ZEB1: variants seen among roughly 807,000 people sequenced by gnomAD.
ZEB1 encodes the protein zinc finger E-box-binding homeobox 1.
Under a neutral mutation model 84.9 loss-of-function variants are expected in ZEB1, and 21 were observed. The ratio of observed to expected loss-of-function variants is 0.25; its 90% CI spans 0.18 to 0.36. ZEB1 has a LOEUF of 0.36. Ranked by LOEUF, ZEB1 falls within the 10% of genes least tolerant of loss-of-function variation. ZEB1 has a pLI of 1.00. For synonymous variants in ZEB1, 420 were observed against 471.1 expected, an observed-to-expected ratio of 0.89 and a Z score of 1.41; for missense variants, 1,104 against 1,330.2, an observed-to-expected ratio of 0.83 and a Z score of 2.65.
At chr10:31,422,681 T>C (rs773300007) in intron 1 of ZEB1, among the ~76,000 whole-genome samples, 2 of 152,134 alleles carry the variant, frequency 1.3e-5, no homozygotes, top group Non-Finnish European at 2.9e-5. Flanking sequence ...ATCTCAGCTT[T>C]CATTTTAGAG....
At chr10:31,388,034 T>C (rs1192484280) in intron 1 of ZEB1, among the ~76,000 whole-genome samples, 1 of 152,180 alleles carries the variant, frequency 6.6e-6, no homozygotes, top group Non-Finnish European at 1.5e-5. Context: ...TTAACTAATA[T>C]AATCTATAGA....
rs867046059 is a variant in ZEB1 at position 31,521,661 on chromosome 10, G to A, written c.2329G>A (p.Glu777Lys). The A allele has an allele frequency of 6.2e-7, 1 of 1,614,088 alleles. No homozygotes were observed. The highest frequency in any genetic ancestry group is 8.5e-7 in the Non-Finnish European group (1 of 1,179,976). ...EPLNLSCAKKEPQKDSCVTDS... is the reference protein window; with the variant it reads ...EPLNLSCAKKKPQKDSCVTDS... ...CTTGAACTTGTCTTGCGCAAAAAAG[G>A]AGCCACAAAAGGACAGTTGTGTTAC... The change falls in exon 7 of 9, where the codon GAG becomes AAG. Residue 777 changes from glutamate (E) to lysine (K), a missense_variant. Glu to Lys is a moderately conservative substitution (Grantham distance 56). This residue lies in a region of ZEB1 where 531 missense variants were observed against 575.2 expected (regional missense o/e 0.92). Coordinates refer to ENST00000424869, the MANE Select transcript of ZEB1 (RefSeq NM_001174096.2).
At chr10:31,338,918 A>G (rs1466446247) in intron 1 of ZEB1, among the ~76,000 whole-genome samples, 1 of 152,102 alleles carries the variant, frequency 6.6e-6, no homozygotes, top group Non-Finnish European at 1.5e-5. Flanking sequence ...GGAGAGTGAT[A>G]TTTGATTCAG....
chr10:31,514,650 G>T lies in ZEB1; in HGVS notation c.735G>T (p.Glu245Asp). The T allele has an allele frequency of 3.1e-6, 5 of 1,612,864 alleles. No homozygotes were observed. Among genetic ancestry groups the T allele is most frequent in the Non-Finnish European group, 4.2e-6 (5 of 1,179,154 alleles). The change falls in exon 6 of 9, where the codon GAG (glutamate) becomes GAT (aspartate). Residue 245 changes from glutamate (E) to aspartate (D), a missense_variant. Glu to Asp is a conservative substitution (Grantham distance 45, BLOSUM62 2). Coordinates refer to ENST00000424869, the MANE Select transcript of ZEB1 (RefSeq NM_001174096.2). ...SGCNRKFKCT[E>D]CGKAFKYKHH... ...GTAATCGTAAATTCAAATGCACTGA[G>T]TGTGGAAAAGCTTTCAAATACAAAC... is the stretch of plus-strand genomic sequence containing the variant.
intron 1 of ZEB1, among the ~76,000 whole-genome samples, chr10:31,434,953 G>A (rs767689691): frequency 5.9e-5 from 9 of 152,138 alleles, no homozygotes; most frequent in Non-Finnish European, 1.2e-4. Flanking sequence ...ATTTTAGTGG[G>A]GGAGTGTGGT....
At chr10:31,389,504 A>G (rs944857928) in intron 1 of ZEB1, 1 of 152,012 alleles carries the variant, frequency 6.6e-6, no homozygotes, top group African/African-American at 2.4e-5. Flanking sequence ...CCTACTATAA[A>G]TTTTGTTTCC....
chr10:31,395,345 T>C (rs2050518995), intron 1 of ZEB1, among the ~76,000 whole-genome samples: 2 of 152,164 alleles, frequency 1.3e-5, no homozygotes, highest in Admixed American at 1.3e-4. Context: ...ATATACTTCA[T>C]CTAAACTAGT....
intron 1 of ZEB1, among the ~76,000 whole-genome samples, chr10:31,397,120 A>G (rs867280490): frequency 1.4e-5 from 2 of 148,056 alleles, no homozygotes; most frequent in African/African-American, 4.9e-5. Context: ...GGTTCAAGCA[A>G]TTCTGCCTCA....
intron 1 of ZEB1, among the ~76,000 whole-genome samples, chr10:31,341,679 G>A (rs1033971732): frequency 5.9e-5 from 9 of 151,920 alleles, no homozygotes; most frequent in Non-Finnish European, 8.8e-5. Context: ...TGTGTGGGCT[G>A]AAGAGAAAAA....
At chr10:31,440,762 A>G (rs1212587112) in intron 1 of ZEB1, among the ~76,000 whole-genome samples, 4 of 152,208 alleles carry the variant, frequency 2.6e-5, no homozygotes, top group African/African-American at 9.6e-5. Flanking sequence ...TACACCAATA[A>G]CAGACAAACA....
chr10:31,428,079 T>C (rs751447087), intron 1 of ZEB1, among the ~76,000 whole-genome samples: 2 of 152,206 alleles, frequency 1.3e-5, no homozygotes, highest in Non-Finnish European at 2.9e-5. Flanking sequence ...AGTTCAGCTC[T>C]GATTTTGGTT....
chr10:31,338,599 AATTAT>A (rs957159324), intron 1 of ZEB1, among the ~76,000 whole-genome samples: 1 of 152,188 alleles, frequency 6.6e-6, no homozygotes, highest in Admixed American at 6.5e-5. Flanking sequence ...ATGATGAAAT[AATTAT>A]ATTATTCCCT....
rs1432929160 is a variant in ZEB1 at position 31,529,749 on chromosome 10, A to G, written c.*2485A>G. 1 of 152,228 alleles carries G rather than the reference A, an allele frequency of 6.6e-6. No individual in the cohort carries two copies. The highest frequency in any genetic ancestry group is 6.5e-5 in the Admixed American group (1 of 15,280). The allele number at this position is 152,228 out of a possible 1,614,324, so 9.4% of individuals were successfully genotyped here. A position where few individuals can be genotyped will look rare whatever the true frequency, so the allele number is the denominator to read the frequency against. On this transcript the variant is annotated 3_prime_UTR_variant, in exon 9 of 9. Transcript: ENST00000424869. ...GATCTAATAATTTGATTATTTTCTT[A>G]TAAGTCTTATTAAACACTAGTCATA...
At chr10:31,341,955 TTG>T (rs909344265) in intron 1 of ZEB1, among the ~76,000 whole-genome samples, 1 of 152,146 alleles carries the variant, frequency 6.6e-6, no homozygotes, top group African/African-American at 2.4e-5. Context: ...ACAGTAAAAG[TTG>T]TGAGTTTAGG....
chr10:31,436,914 A>G (rs2058355968), intron 1 of ZEB1, among the ~76,000 whole-genome samples: 5 of 152,200 alleles, frequency 3.3e-5, no homozygotes. Context: ...ATATAAGAAA[A>G]TGGGTAGTTA....
chr10:31,524,164 G>A (rs754927570), intron 8 of ZEB1, 51 bp downstream of exon 8: 1 of 1,509,030 alleles, frequency 6.6e-7, no homozygotes, highest in South Asian at 1.2e-5. Context: ...TATACTGGAA[G>A]ATGCAAAATT....
At position 31,527,237 on chromosome 10, in the gene ZEB1, G is replaced by A. The variant is rs2073675609; in HGVS notation, c.3351G>A (p.Val1117=). ...GQKVGESSEQ[V]SEEKTNEA is the part of the protein sequence containing the mutation. Reference sequence around the variant, plus strand: ...AAGTAGGCGAGAGTAGTGAGCAAGTGTCTGAAGAAAAGACAAATGAAGCCT... The same window carrying A: ...AAGTAGGCGAGAGTAGTGAGCAAGTATCTGAAGAAAAGACAAATGAAGCCT... Residue 1117 remains valine (V), a synonymous_variant, in exon 9 of 9, where the codon GTG becomes GTA. Transcript: ENST00000424869. The A allele has an allele frequency of 6.2e-7, 1 of 1,608,770 alleles. No homozygotes were observed. Among genetic ancestry groups the A allele is most frequent in the African/African-American group, 1.3e-5 (1 of 74,642 alleles).
chr10:31,484,466 A>G (rs886581480), intron 2 of ZEB1, among the ~76,000 whole-genome samples: 2 of 151,992 alleles, frequency 1.3e-5, no homozygotes, highest in Admixed American at 1.3e-4. Context: ...GCCCTATTTT[A>G]TGGATGAGAA....
intron 1 of ZEB1, among the ~76,000 whole-genome samples, chr10:31,383,131 A>G (rs896736189): frequency 6.6e-6 from 1 of 151,994 alleles, no homozygotes; most frequent in Non-Finnish European, 1.5e-5. Context: ...AAAACTAATT[A>G]TAGAACAGCA....
Sources: allele counts gnomAD v4.1 joint callset (sites outside exome capture counted in the v4.1 genomes callset), GRCh38; gene constraint gnomAD v4.1.1; regional missense constraint gnomAD v4.1.1; transcripts MANE v1.5; gene names NCBI Gene and HGNC (gene_info 2026-07-23, HGNC 2026-07-21).